The following CNTNAP2 variants were observed in gnomAD, a reference collection of about 807,000 sequenced individuals.
The protein encoded by CNTNAP2 is contactin associated protein 2, also known as contactin-associated protein-like 2.
A neutral mutation model predicts 155.2 loss-of-function variants in CNTNAP2; 98 were observed. The observed-to-expected ratio is 0.63, with a 90% CI of 0.54 to 0.75. The LOEUF is 0.75. CNTNAP2 is among the 30% of genes least tolerant of loss of function. The pLI is 0.00. For missense variants in CNTNAP2, 1,727 were observed against 1,688.1 expected, an observed-to-expected ratio of 1.02 and a Z score of -0.40; for synonymous variants, 651 against 631.2, an observed-to-expected ratio of 1.03 and a Z score of -0.47.
intron 13 of CNTNAP2, among the ~76,000 whole-genome samples, chr7:147,670,961 C>T (rs1216683245): frequency 6.6e-6 from 1 of 152,144 alleles, no homozygotes; most frequent in African/African-American, 2.4e-5. Context: ...CCCTCTGGAG[C>T]TTCAGGGGTC....
At chr7:146,694,917 C>T (rs548230212) in intron 1 of CNTNAP2, among the ~76,000 whole-genome samples, 1 of 152,160 alleles carries the variant, frequency 6.6e-6, no homozygotes, top group East Asian at 1.9e-4. Flanking sequence ...TATAGGAAAA[C>T]AACTTTTGCA....
intron 1 of CNTNAP2, among the ~76,000 whole-genome samples, chr7:146,526,487 G>T: frequency 6.6e-6 from 1 of 152,098 alleles, no homozygotes; most frequent in Non-Finnish European, 1.5e-5. Flanking sequence ...GTGAGGACGT[G>T]CCACACACAT....
At chr7:147,856,269 C>A (rs1226393408) in intron 13 of CNTNAP2, among the ~76,000 whole-genome samples, 1 of 152,122 alleles carries the variant, frequency 6.6e-6, no homozygotes, top group Admixed American at 6.5e-5. Context: ...AGAGCCCAGG[C>A]CAGACTCACT....
At chr7:147,144,763 T>TACACAA (rs1801667295) in intron 8 of CNTNAP2, among the ~76,000 whole-genome samples, 1 of 152,224 alleles carries the variant, frequency 6.6e-6, no homozygotes, top group South Asian at 2.1e-4. Context: ...AATAAGTTTA[T>TACACAA]TACATAGAAT....
chr7:147,345,086 T>C (rs1795831498), intron 9 of CNTNAP2, among the ~76,000 whole-genome samples: 1 of 152,166 alleles, frequency 6.6e-6, no homozygotes, highest in Non-Finnish European at 1.5e-5. Context: ...GTATGTGCCA[T>C]GGGTTTATGA....
chr7:148,343,401 T>TCGA (rs1798268911), intron 21 of CNTNAP2, among the ~76,000 whole-genome samples: 2 of 152,364 alleles, frequency 1.3e-5, no homozygotes, highest in Non-Finnish European at 2.9e-5. Flanking sequence ...TATTTATGTT[T>TCGA]CGACGTCCAG....
At chr7:146,439,275 A>G (rs1187589342) in intron 1 of CNTNAP2, among the ~76,000 whole-genome samples, 1 of 151,558 alleles carries the variant, frequency 6.6e-6, no homozygotes, top group Non-Finnish European at 1.5e-5. Context: ...TTTCTCTCAT[A>G]TAGTATGCTT....
chr7:146,815,024 G>C (rs187323883), intron 2 of CNTNAP2, among the ~76,000 whole-genome samples: 1 of 151,782 alleles, frequency 6.6e-6, no homozygotes, highest in Non-Finnish European at 1.5e-5. Flanking sequence ...TTCAGTTATC[G>C]AACATGTACC....
chr7:148,132,254 G>T (rs1156767100), intron 16 of CNTNAP2, among the ~76,000 whole-genome samples: 3 of 152,174 alleles, frequency 2.0e-5, no homozygotes, highest in Admixed American at 2.0e-4. Flanking sequence ...TAGGAACCTT[G>T]AGGAGAAATG....
intron 1 of CNTNAP2, among the ~76,000 whole-genome samples, chr7:146,675,675 G>A (rs992978658): frequency 4.6e-5 from 7 of 152,128 alleles, no homozygotes; most frequent in Non-Finnish European, 8.8e-5. Flanking sequence ...CACCATAGGA[G>A]CTTAATAAAT....
intron 1 of CNTNAP2, among the ~76,000 whole-genome samples, chr7:146,361,251 A>G (rs150253860): frequency 5.8e-4 from 89 of 152,228 alleles, no homozygotes; most frequent in African/African-American, 2.0e-3. Context: ...TGGAAATACA[A>G]TCTTCTCAGG....
intron 13 of CNTNAP2, among the ~76,000 whole-genome samples, chr7:147,765,011 G>A (rs957302921): frequency 2.6e-5 from 4 of 152,104 alleles, no homozygotes; most frequent in African/African-American, 4.8e-5. Flanking sequence ...GAAGCTGGTC[G>A]AATTTAATTA....
At chr7:146,646,160 G>C (rs1023114770) in intron 1 of CNTNAP2, among the ~76,000 whole-genome samples, 18 of 152,120 alleles carry the variant, frequency 1.2e-4, no homozygotes, top group African/African-American at 4.3e-4. Context: ...AAACATATCT[G>C]CTTAAAAGCC....
chr7:146,655,678 C>T (rs1395969888), intron 1 of CNTNAP2, among the ~76,000 whole-genome samples: 3 of 151,908 alleles, frequency 2.0e-5, no homozygotes, highest in South Asian at 4.1e-4. Flanking sequence ...AATAATGAGT[C>T]TAATATAGTA....
intron 2 of CNTNAP2, among the ~76,000 whole-genome samples, chr7:146,831,564 T>C (rs2129198715): frequency 6.7e-6 from 1 of 148,280 alleles, no homozygotes; most frequent in South Asian, 2.1e-4. Flanking sequence ...TAATCCCAGC[T>C]ACTTGGGAGG....
chr7:146,225,262 A>G (rs1233349914), intron 1 of CNTNAP2, among the ~76,000 whole-genome samples: 2 of 152,206 alleles, frequency 1.3e-5, no homozygotes, highest in Non-Finnish European at 2.9e-5. Flanking sequence ...CCAATAAACT[A>G]CATCAAATAA....
intron 10 of CNTNAP2, among the ~76,000 whole-genome samples, chr7:147,467,762 T>C (rs1299312442): frequency 6.6e-6 from 1 of 152,204 alleles, no homozygotes; most frequent in Non-Finnish European, 1.5e-5. Flanking sequence ...CTGGGCATTG[T>C]GGCTACACCT....
intron 17 of CNTNAP2, among the ~76,000 whole-genome samples, chr7:148,159,545 C>A (rs1270591168): frequency 6.6e-6 from 1 of 152,148 alleles, no homozygotes; most frequent in Admixed American, 6.5e-5. Flanking sequence ...TTTATTCTAT[C>A]CCCTAATGAT....
intron 13 of CNTNAP2, among the ~76,000 whole-genome samples, chr7:147,778,005 C>T (rs12531829): frequency 0.013 from 2,015 of 152,266 alleles, 102 homozygotes; most frequent in Admixed American, 0.089. Context: ...GTTTATTCTT[C>T]CCTTGTTCCA....
Sources: allele counts gnomAD v4.1 joint callset (sites outside exome capture counted in the v4.1 genomes callset), GRCh38; gene constraint gnomAD v4.1.1; transcripts MANE v1.5; gene names NCBI Gene and HGNC (gene_info 2026-07-23, HGNC 2026-07-21).